The following USP14 variants were observed in gnomAD, a reference collection of about 807,000 sequenced individuals.
USP14 encodes ubiquitin specific peptidase 14, also known as ubiquitin carboxyl-terminal hydrolase 14.
A neutral mutation model predicts 76.5 loss-of-function variants in USP14; 38 were observed. That is an observed-to-expected ratio of 0.50 (90% CI 0.38 to 0.65). The LOEUF is 0.65. USP14 is among the 30% of genes least tolerant of loss of function. USP14 has a pLI of 0.00. For synonymous variants in USP14, 192 were observed against 191.7 expected, an observed-to-expected ratio of 1.00 and a Z score of -0.01; for missense variants, 467 against 586.5, an observed-to-expected ratio of 0.80 and a Z score of 2.10.
rs1397056763 is a variant in USP14, at chr18:167,226, G to A, written c.195+407G>A. 3.9e-5 allele frequency among the ~76,000 whole-genome samples: 6 copies of A among 152,176 alleles called. No individual in the cohort carries two copies. The East Asian group carries it at 1.2e-3, about 29-fold the overall frequency. On this transcript the variant is annotated intron_variant, in intron 3 of 15. Transcript: ENST00000261601. ...GAACCTGGGAGGCGGAGATTGCAGT[G>A]AGCCGAGATCGTGCCACTGCACTCC...
At position 209,955 on chromosome 18, in the gene USP14, A is replaced by T; in HGVS notation, c.1165-16A>T. On this transcript the variant is annotated splice_polypyrimidine_tract_variant and intron_variant, in intron 13 of 15. Transcript: ENST00000261601. ...CCAAAATCATGATTTAAAATTAAAC[A>T]TTTTTTTCTCCTCAGAGTGACAAAA... is the stretch of plus-strand genomic sequence containing the variant. 3 of 1,571,080 alleles carry T rather than the reference A, an allele frequency of 1.9e-6. No individual in the cohort carries two copies. Among genetic ancestry groups the T allele is most frequent in the Non-Finnish European group, 1.7e-6 (2 of 1,159,734 alleles).
chr18:182,591 A>C (rs1598270923), intron 5 of USP14, among the ~76,000 whole-genome samples: 1 of 152,212 alleles, frequency 6.6e-6, no homozygotes, highest in Non-Finnish European at 1.5e-5. Flanking sequence ...CTACAGTCTA[A>C]TAGAGAAAGA....
Position 164,614 on chromosome 18 carries a change from C to T in USP14, c.162+1161C>T, listed in dbSNP as rs140376024. Among the ~76,000 whole-genome samples the T allele has an allele frequency of 3.6e-3, 544 of 151,992 alleles. 1 individual carries two copies. Among genetic ancestry groups the T allele is most frequent in the African/African-American group, 0.012 (502 of 41,480 alleles). On this transcript the variant is annotated intron_variant, in intron 2 of 15. Transcript: ENST00000261601. ...GATTACAGGTGTCTACCACCATGCC[C>T]GGCTAATTTTTGTATTTTTAGTAGA...
intron 14 of USP14, 102 bp from the exon 15 acceptor site, chr18:210,284 A>T (rs775984763): frequency 4.7e-5 from 41 of 873,912 alleles, no homozygotes; most frequent in Non-Finnish European, 6.9e-5. Flanking sequence ...GATTCTGATA[A>T]TACTTTCGTA....
intron 3 of USP14, among the ~76,000 whole-genome samples, chr18:171,518 G>A (rs988961291): frequency 6.6e-6 from 1 of 152,118 alleles, no homozygotes; most frequent in African/African-American, 2.4e-5. Flanking sequence ...GGCCACCATT[G>A]AGACTTCCTG....
At chr18:179,601 T>TC (rs1909727194) in intron 4 of USP14, among the ~76,000 whole-genome samples, 10 of 148,408 alleles carry the variant, frequency 6.7e-5, no homozygotes, top group Non-Finnish European at 1.5e-4. Flanking sequence ...TTTTTTTTTT[T>TC]CCTTGAGATG....
intron 5 of USP14, among the ~76,000 whole-genome samples, chr18:181,855 C>G (rs951223129): frequency 1.3e-5 from 2 of 152,004 alleles, no homozygotes; most frequent in African/African-American, 4.8e-5. Context: ...AGTTAATATA[C>G]TTTTAGCTCT....
At chr18:161,030 C>T (rs1162910041) in intron 1 of USP14, among the ~76,000 whole-genome samples, 1 of 152,114 alleles carries the variant, frequency 6.6e-6, no homozygotes, top group Non-Finnish European at 1.5e-5. Context: ...TGGTTTCAAG[C>T]GATTCTCCTG....
chr18:182,926 G>A (rs1459612407), intron 5 of USP14, among the ~76,000 whole-genome samples: 2 of 152,196 alleles, frequency 1.3e-5, no homozygotes, highest in African/African-American at 2.4e-5. Flanking sequence ...TCTTGAAGTC[G>A]TTTTTAAGAA....
In USP14 at chr18:213,417, T is replaced by A. The variant is rs1910732935; in HGVS notation, c.*2133T>A. ...CATTATTCCAAAGAATTTTTTCAAG[T>A]AGAAATGGGAGTTAGTTATACCAGT... On this transcript the variant is annotated 3_prime_UTR_variant, in exon 16 of 16. Transcript: ENST00000261601. 1 of 152,240 alleles carries A rather than the reference T, an allele frequency of 6.6e-6. No individual in the cohort carries two copies. Among genetic ancestry groups the A allele is most frequent in the South Asian group, 2.1e-4 (1 of 4,822 alleles). 9.4% of individuals were successfully genotyped at this position (152,240 alleles called of 1,614,324 possible).
intron 13 of USP14, among the ~76,000 whole-genome samples, chr18:209,421 A>T (rs545465281): frequency 2.5e-4 from 38 of 152,204 alleles, no homozygotes; most frequent in Non-Finnish European, 5.1e-4. Context: ...TGCTAAAATG[A>T]GTTGAAGCAG....
At position 171,023 on chromosome 18, in the gene USP14, AAAATATATATATATAT is replaced by A. The variant is rs1198711511; in HGVS notation, c.195+4206_195+4221del. ...ACCCTGGAACTTAAAAAAAAAAAAA[AAAATATATATATATAT>A]ATATATATATATATATAAACTGAAG... On this transcript the variant is annotated intron_variant, in intron 3 of 15. Coordinates refer to ENST00000261601, the MANE Select transcript of USP14 (RefSeq NM_005151.4). 1.9e-4 allele frequency among the ~76,000 whole-genome samples: 9 copies of A among 46,826 alleles called. 1 individual carries two copies. The South Asian group carries it at 2.4e-3, about 12-fold the overall frequency. The allele number at this position is 46,826 out of a possible 152,430, so 30.7% of individuals were successfully genotyped here. A position where few individuals can be genotyped will look rare whatever the true frequency, so the allele number is the denominator to read the frequency against.
chr18:210,521 C>A, intron 15 of USP14, 28 bp downstream of exon 15: 2 of 1,451,214 alleles, frequency 1.4e-6, no homozygotes, highest in South Asian at 1.3e-5. Context: ...TTCAACTGTT[C>A]AATATTATTT....
rs761858604 is a variant in USP14 at position 212,140 on chromosome 18, A to G, written c.*856A>G. On this transcript the variant is annotated 3_prime_UTR_variant, in exon 16 of 16. Coordinates refer to ENST00000261601, the MANE Select transcript of USP14 (RefSeq NM_005151.4). ...ACAATTTCTGAAGATGGTTATTAACACTGTGCTGTTAAGCATCCATTTAAA... is the reference window on the plus strand; with the variant it reads ...ACAATTTCTGAAGATGGTTATTAACGCTGTGCTGTTAAGCATCCATTTAAA... 3.3e-5 allele frequency: 5 copies of G among 152,126 alleles called. No individual in the cohort carries two copies. The highest frequency in any genetic ancestry group is 7.4e-5 in the Non-Finnish European group (5 of 68,002). 9.4% of individuals were successfully genotyped at this position (152,126 alleles called of 1,614,324 possible).
chr18:193,897 T>C (rs1051642289), intron 6 of USP14, among the ~76,000 whole-genome samples: 1 of 152,248 alleles, frequency 6.6e-6, no homozygotes, highest in Non-Finnish European at 1.5e-5. Flanking sequence ...GACAGTCGTG[T>C]ACAAGTCTTG....
In USP14 at chr18:191,191, G is replaced by A. The variant is rs200350859; in HGVS notation, c.405-1651G>A. 5.1e-4 allele frequency among the ~76,000 whole-genome samples: 78 copies of A among 152,222 alleles called. 1 individual carries two copies. The East Asian group carries it at 0.012, about 24-fold the overall frequency. On this transcript the variant is annotated intron_variant, in intron 5 of 15. Transcript: ENST00000261601. ...TGCTAAAATGTCTTAACAGGGAAAT[G>A]TAATGATTTTCAGGTTTTTAAAAAT...
At chr18:164,133 G>A (rs1909201215) in intron 2 of USP14, among the ~76,000 whole-genome samples, 1 of 152,044 alleles carries the variant, frequency 6.6e-6, no homozygotes, top group Admixed American at 6.6e-5. Context: ...ACAGTTATCT[G>A]TATTGTGTGA....
chr18:182,142 G>T (rs1189965650), intron 5 of USP14, among the ~76,000 whole-genome samples: 1 of 152,138 alleles, frequency 6.6e-6, no homozygotes, highest in East Asian at 1.9e-4. Flanking sequence ...TTATACCATC[G>T]TATGAAAGGA....
chr18:211,297 T>C lies in USP14; in HGVS notation c.*13T>C, dbSNP rs1251657199. 6.3e-7 allele frequency: 1 copy of C among 1,595,586 alleles called. No individual in the cohort carries two copies. The highest frequency in any genetic ancestry group is 8.6e-7 in the Non-Finnish European group (1 of 1,168,166). ...AAGTGAACAGTAATCTTCATTTTAGTATTTATGCTTAGATGTGAAAATAAA... is the reference window on the plus strand; with the variant it reads ...AAGTGAACAGTAATCTTCATTTTAGCATTTATGCTTAGATGTGAAAATAAA... On this transcript the variant is annotated 3_prime_UTR_variant, in exon 16 of 16. Transcript: ENST00000261601.
Sources: allele counts gnomAD v4.1 joint callset (sites outside exome capture counted in the v4.1 genomes callset), GRCh38; gene constraint gnomAD v4.1.1; transcripts MANE v1.5; gene names NCBI Gene and HGNC (gene_info 2026-07-23, HGNC 2026-07-21).